CDH13: variants seen among roughly 807,000 people sequenced by gnomAD.
CDH13 encodes cadherin 13, also known as cadherin-13.
CDH13 carries 24 observed loss-of-function variants against 63.8 expected under a neutral mutation model. That is an observed-to-expected ratio of 0.38 (90% CI 0.27 to 0.53). The LOEUF (loss-of-function observed/expected upper bound fraction) is 0.53, where lower values mean the gene tolerates loss of function less well. CDH13 is among the 20% of genes least tolerant of loss of function. The pLI is 0.85. For missense variants in CDH13, 1,049 were observed against 903.1 expected, an observed-to-expected ratio of 1.16 and a Z score of -2.07; for synonymous variants, 503 against 355.3, an observed-to-expected ratio of 1.42 and a Z score of -4.67.
intron 6 of CDH13, among the ~76,000 whole-genome samples, chr16:83,426,402 G>T (rs2071896504): frequency 6.6e-6 from 1 of 151,910 alleles, no homozygotes; most frequent in African/African-American, 2.4e-5. Context: ...TTGCTAATAT[G>T]CCAACTACTC....
chr16:83,138,009 C>T (rs2036372025), intron 4 of CDH13, among the ~76,000 whole-genome samples: 1 of 151,994 alleles, frequency 6.6e-6, no homozygotes, highest in South Asian at 2.1e-4. Flanking sequence ...ACAGTCCCTC[C>T]TGGGTATCTG....
rs527560596 is a variant in CDH13, at chr16:82,914,603, A to T, written c.157+56130A>T. ...AATATTTTCAAAAGGTAAAGAGAAA[A>T]GAAATTAAAGTTATGATGATCTTTT... On this transcript the variant is annotated intron_variant, in intron 2 of 13. Coordinates refer to ENST00000567109, the MANE Select transcript of CDH13 (RefSeq NM_001257.5). Among the ~76,000 whole-genome samples the T allele has an allele frequency of 3.3e-5, 5 of 152,342 alleles. No homozygotes were observed. The South Asian group carries it at 1.0e-3, about 32-fold the overall frequency.
intron 4 of CDH13, among the ~76,000 whole-genome samples, chr16:83,141,230 C>T (rs1351917498): frequency 6.6e-6 from 1 of 152,180 alleles, no homozygotes. Flanking sequence ...AATGATTTTT[C>T]TGGGATCACA....
At chr16:83,729,575 A>G (rs939998380) in intron 10 of CDH13, among the ~76,000 whole-genome samples, 4 of 152,228 alleles carry the variant, frequency 2.6e-5, no homozygotes, top group African/African-American at 4.8e-5. Flanking sequence ...GGACAACTCT[A>G]TCACTTACTA....
At chr16:83,250,822 T>A (rs1447461503) in intron 5 of CDH13, among the ~76,000 whole-genome samples, 1 of 152,116 alleles carries the variant, frequency 6.6e-6, no homozygotes, top group Non-Finnish European at 1.5e-5. Context: ...TGCTTAGGAG[T>A]CTAAGCTGCA....
At chr16:83,375,002 G>A (rs1454916917) in intron 6 of CDH13, among the ~76,000 whole-genome samples, 1 of 152,210 alleles carries the variant, frequency 6.6e-6, no homozygotes, top group East Asian at 1.9e-4. Context: ...CGAAAATGAT[G>A]TAATGATATA....
intron 4 of CDH13, among the ~76,000 whole-genome samples, chr16:83,211,620 G>T (rs1397244267): frequency 6.6e-6 from 1 of 151,980 alleles, no homozygotes; most frequent in African/African-American, 2.4e-5. Context: ...TGTCCATATT[G>T]TGTCACATCT....
chr16:82,704,292 A>G (rs1038229062), intron 1 of CDH13, among the ~76,000 whole-genome samples: 1 of 152,198 alleles, frequency 6.6e-6, no homozygotes, highest in African/African-American at 2.4e-5. Context: ...AGTTTGAATT[A>G]TGGATGTTAC....
chr16:83,196,238 A>C (rs2038875063), intron 4 of CDH13, among the ~76,000 whole-genome samples: 1 of 152,190 alleles, frequency 6.6e-6, no homozygotes, highest in East Asian at 1.9e-4. Context: ...CCTGGGCAAC[A>C]GAGTGAGATT....
At chr16:82,914,018 G>A (rs966492357) in intron 2 of CDH13, among the ~76,000 whole-genome samples, 1 of 151,632 alleles carries the variant, frequency 6.6e-6, no homozygotes, top group African/African-American at 2.4e-5. Flanking sequence ...GAGAAGAAAG[G>A]TATTGCTGTG....
At chr16:82,981,321 A>G (rs936208127) in intron 2 of CDH13, among the ~76,000 whole-genome samples, 1 of 152,124 alleles carries the variant, frequency 6.6e-6, no homozygotes, top group African/African-American at 2.4e-5. Flanking sequence ...CCAGGTCTCC[A>G]GCTCACACAC....
chr16:82,794,287 C>A (rs535964300), intron 1 of CDH13, among the ~76,000 whole-genome samples: 3 of 150,650 alleles, frequency 2.0e-5, no homozygotes, highest in East Asian at 2.0e-4. Flanking sequence ...AATTTGAAAA[C>A]CCCTGGTTTA....
chr16:82,962,952 A>G (rs1412492146), intron 2 of CDH13, among the ~76,000 whole-genome samples: 2 of 152,346 alleles, frequency 1.3e-5, no homozygotes, highest in East Asian at 3.9e-4. Flanking sequence ...ATAATTTAGT[A>G]AAAGGTGTAA....
At chr16:83,530,752 C>T (rs918502706) in intron 7 of CDH13, among the ~76,000 whole-genome samples, 1 of 152,080 alleles carries the variant, frequency 6.6e-6, no homozygotes, top group African/African-American at 2.4e-5. Context: ...AGTCACTCAA[C>T]TGGTCCTGAC....
At chr16:83,252,271 CT>C (rs59464826) in intron 5 of CDH13, among the ~76,000 whole-genome samples, 83,062 of 138,548 alleles carry the variant, frequency 0.6, 24,836 homozygotes, top group East Asian at 0.94. Context: ...TCTTTTTTTT[CT>C]TTTTTTTTTT....
At chr16:82,818,523 C>T (rs376044104) in intron 1 of CDH13, among the ~76,000 whole-genome samples, 73 of 152,220 alleles carry the variant, frequency 4.8e-4, no homozygotes, top group African/African-American at 1.6e-3. Flanking sequence ...GAGGGAATAA[C>T]ATTTGAGGAA....
chr16:83,447,248 C>G (rs1184978196), intron 6 of CDH13, among the ~76,000 whole-genome samples: 3 of 151,162 alleles, frequency 2.0e-5, no homozygotes, highest in Non-Finnish European at 4.4e-5. Flanking sequence ...AACCCCATCT[C>G]TACTAAAAAT....
chr16:83,050,552 C>G (rs1456923754), intron 3 of CDH13, among the ~76,000 whole-genome samples: 3 of 152,154 alleles, frequency 2.0e-5, no homozygotes, highest in Admixed American at 6.5e-5. Context: ...TTGGAAGTGC[C>G]TGTCCATTTC....
chr16:83,189,188 C>A (rs1055102886), intron 4 of CDH13, among the ~76,000 whole-genome samples: 2 of 152,128 alleles, frequency 1.3e-5, no homozygotes, highest in East Asian at 3.9e-4. Flanking sequence ...TAATTTAGGG[C>A]CCCTTTCTGC....
Sources: allele counts gnomAD v4.1 joint callset (sites outside exome capture counted in the v4.1 genomes callset), GRCh38; gene constraint gnomAD v4.1.1; transcripts MANE v1.5; gene names NCBI Gene and HGNC (gene_info 2026-07-23, HGNC 2026-07-21).